The following PLEKHG1 variants were observed in gnomAD, a reference collection of about 807,000 sequenced individuals.
The protein encoded by PLEKHG1 is pleckstrin homology domain-containing family G member 1.
Under a neutral mutation model 100.8 loss-of-function variants are expected in PLEKHG1, and 44 were observed. The observed-to-expected ratio is 0.44, with a 90% CI of 0.34 to 0.56. The LOEUF is 0.56. Among genes scored for constraint, PLEKHG1 ranks in the 20% least tolerant of loss-of-function variants. The pLI is 0.01. For synonymous variants in PLEKHG1, 640 were observed against 662.5 expected, an observed-to-expected ratio of 0.97 and a Z score of 0.52; for missense variants, 1,545 against 1,720.9, an observed-to-expected ratio of 0.90 and a Z score of 1.81.
intron 3 of PLEKHG1, among the ~76,000 whole-genome samples, chr6:150,781,035 A>G (rs1340219066): frequency 6.6e-6 from 1 of 151,452 alleles, no homozygotes; most frequent in Non-Finnish European, 1.5e-5. Flanking sequence ...CACCACGCCC[A>G]GCTAATTTTT....
chr6:150,633,932 G>A (rs1777868792), intron 1 of PLEKHG1, among the ~76,000 whole-genome samples: 1 of 152,138 alleles, frequency 6.6e-6, no homozygotes, highest in South Asian at 2.1e-4. Context: ...CTGTACCTGA[G>A]GGAGGAGGGG....
At chr6:150,739,148 A>AT (rs998031056) in intron 2 of PLEKHG1, among the ~76,000 whole-genome samples, 1 of 152,208 alleles carries the variant, frequency 6.6e-6, no homozygotes, top group African/African-American at 2.4e-5. Context: ...AAAATAGTTC[A>AT]TAATGTTAAT....
At chr6:150,714,081 A>G (rs961844675) in intron 3 of PLEKHG1, among the ~76,000 whole-genome samples, 5 of 152,214 alleles carry the variant, frequency 3.3e-5, no homozygotes, top group Admixed American at 2.6e-4. Context: ...GCCTTTACTT[A>G]TGAATGGATT....
chr6:150,813,385 G>T (rs1335050917), intron 10 of PLEKHG1, among the ~76,000 whole-genome samples: 1 of 152,036 alleles, frequency 6.6e-6, no homozygotes, highest in Non-Finnish European at 1.5e-5. Context: ...CCCAACTGAG[G>T]CTGGCCCCCA....
intron 3 of PLEKHG1, among the ~76,000 whole-genome samples, chr6:150,707,598 G>C (rs1235329057): frequency 6.6e-6 from 1 of 152,140 alleles, no homozygotes; most frequent in East Asian, 1.9e-4. Flanking sequence ...AGGAGCATTA[G>C]ACTAGTGTTA....
chr6:150,796,182 C>A (rs1332905173), intron 5 of PLEKHG1, among the ~76,000 whole-genome samples: 1 of 152,206 alleles, frequency 6.6e-6, no homozygotes, highest in African/African-American at 2.4e-5. Flanking sequence ...ACTAAGCAAG[C>A]TATTGCATCA....
chr6:150,700,902 A>C (rs1316890673), intron 3 of PLEKHG1, among the ~76,000 whole-genome samples: 2 of 152,212 alleles, frequency 1.3e-5, no homozygotes, highest in Admixed American at 1.3e-4. Context: ...CTCTCTCTCT[A>C]AACAATTCGG....
At chr6:150,712,386 C>G (rs1781272768) in intron 3 of PLEKHG1, among the ~76,000 whole-genome samples, 1 of 152,104 alleles carries the variant, frequency 6.6e-6, no homozygotes, top group Non-Finnish European at 1.5e-5. Flanking sequence ...AGGAACAAGA[C>G]CTGCCATGTA....
intron 3 of PLEKHG1, among the ~76,000 whole-genome samples, chr6:150,780,750 T>G (rs555231058): frequency 1.1e-4 from 16 of 152,338 alleles, no homozygotes; most frequent in African/African-American, 3.8e-4. Flanking sequence ...TTCCTACGCA[T>G]GATGTTAACG....
chr6:150,781,172 G>A (rs966500865), intron 3 of PLEKHG1, among the ~76,000 whole-genome samples: 2 of 149,932 alleles, frequency 1.3e-5, no homozygotes, highest in Non-Finnish European at 3.0e-5. Flanking sequence ...ACCGCGCCCG[G>A]CCAAGAACAG....
intron 6 of PLEKHG1, among the ~76,000 whole-genome samples, chr6:150,803,054 G>T (rs1161867702): frequency 2.0e-5 from 3 of 152,116 alleles, no homozygotes; most frequent in African/African-American, 7.2e-5. Flanking sequence ...GAGCACAGTT[G>T]TCTCTCAGGC....
intron 2 of PLEKHG1, among the ~76,000 whole-genome samples, chr6:150,649,198 T>C (rs1778615762): frequency 6.6e-6 from 1 of 152,222 alleles, no homozygotes; most frequent in Non-Finnish European, 1.5e-5. Context: ...AGAATAAAAT[T>C]AGCTAATTTT....
chr6:150,727,855 C>T (rs1014900459), intron 1 of PLEKHG1, among the ~76,000 whole-genome samples: 45 of 152,156 alleles, frequency 3.0e-4, no homozygotes, highest in African/African-American at 1.0e-3. Flanking sequence ...ACATTGTTGG[C>T]CCTGTGCTTG....
chr6:150,767,855 C>T (rs888779262), intron 2 of PLEKHG1, among the ~76,000 whole-genome samples: 12 of 152,192 alleles, frequency 7.9e-5, no homozygotes, highest in Non-Finnish European at 1.5e-4. Context: ...CAGCTGTTTT[C>T]ACTTTTTTCT....
At chr6:150,781,609 T>A (rs1785315487) in intron 3 of PLEKHG1, among the ~76,000 whole-genome samples, 1 of 152,074 alleles carries the variant, frequency 6.6e-6, no homozygotes, top group African/African-American at 2.4e-5. Flanking sequence ...GAACTTTTTT[T>A]TTAAACGGGA....
chr6:150,771,639 G>A (rs914993557), intron 3 of PLEKHG1, among the ~76,000 whole-genome samples: 2 of 151,554 alleles, frequency 1.3e-5, no homozygotes, highest in African/African-American at 2.4e-5. Context: ...TCCGCCTCCC[G>A]GGTTCAACAA....
intron 1 of PLEKHG1, among the ~76,000 whole-genome samples, chr6:150,724,552 C>CT (rs1781861926): frequency 3.0e-5 from 3 of 100,944 alleles, no homozygotes; most frequent in Non-Finnish European, 5.3e-5. Context: ...TTTCTTTTTT[C>CT]TTTTTCTTTT....
exon 13 of PLEKHG1, chr6:150,821,217 A>C: frequency 1.2e-6 from 2 of 1,612,632 alleles, no homozygotes; most frequent in Non-Finnish European, 1.7e-6. Context: ...GGTCACATAA[A>C]GTTTTGAAGA....
At chr6:150,671,946 A>G (rs1042222411) in intron 3 of PLEKHG1, among the ~76,000 whole-genome samples, 22 of 152,176 alleles carry the variant, frequency 1.4e-4, no homozygotes, top group Non-Finnish European at 1.9e-4. Flanking sequence ...GGTTTTAAGC[A>G]GGAGGGTGAT....
Sources: allele counts gnomAD v4.1 joint callset (sites outside exome capture counted in the v4.1 genomes callset), GRCh38; gene constraint gnomAD v4.1.1; transcripts MANE v1.5; gene names NCBI Gene and HGNC (gene_info 2026-07-23, HGNC 2026-07-21).